DPM1: variants seen among roughly 807,000 people sequenced by gnomAD.
DPM1 encodes the protein dolichyl-phosphate mannosyltransferase subunit 1, catalytic.
In DPM1, 27 loss-of-function variants were observed where a neutral mutation model predicts 39.0. That is an observed-to-expected ratio of 0.69 (90% CI 0.51 to 0.95). The LOEUF (loss-of-function observed/expected upper bound fraction) is 0.95, where lower values mean the gene tolerates loss of function less well. DPM1 is among the 40% of genes least tolerant of loss of function. DPM1 has a pLI of 0.00. For synonymous variants in DPM1, 124 were observed against 109.0 expected (o/e 1.14, Z -0.86); for missense variants, 307 against 315.6 (o/e 0.97, Z 0.21).
At chr20:50,944,246 G>A (rs1057275450) in intron 5 of DPM1, 5 of 152,092 alleles carry the variant, frequency 3.3e-5, no homozygotes, top group Admixed American at 6.5e-5. Flanking sequence ...CAGTTATTTT[G>A]TGTTTATTTC....
At chr20:50,958,297 T>G in intron 1 of DPM1, 66 bp downstream of exon 1, 1 of 1,594,046 alleles carries the variant, frequency 6.3e-7, no homozygotes, top group Non-Finnish European at 8.5e-7. Flanking sequence ...CGCAGCCAGC[T>G]GCCGACACCC....
chr20:50,943,354 T>TTTTTG (rs1035792195), intron 5 of DPM1, among the ~76,000 whole-genome samples: 2 of 151,786 alleles, frequency 1.3e-5, no homozygotes, highest in Non-Finnish European at 2.9e-5. Context: ...CAATAAACTT[T>TTTTTG]TTTTGTTTTG....
At chr20:50,943,999 C>T (rs895527474) in intron 5 of DPM1, among the ~76,000 whole-genome samples, 1 of 152,184 alleles carries the variant, frequency 6.6e-6, no homozygotes, top group Non-Finnish European at 1.5e-5. Context: ...CTCGGCCCCC[C>T]AAAGTGCTGG....
At chr20:50,958,111 G>A (rs1013634788) in intron 1 of DPM1, among the ~76,000 whole-genome samples, 3 of 152,214 alleles carry the variant, frequency 2.0e-5, no homozygotes, top group African/African-American at 7.2e-5. Flanking sequence ...GAAAGGCGGG[G>A]GACGGGAGTA....
Position 50,936,229 on chromosome 20 carries a change from T to C in DPM1, c.597A>G (p.Ile199Met). ...LYRKEVLEKLIEKCVSKGYVF... is the reference protein window; with the variant it reads ...LYRKEVLEKLMEKCVSKGYVF... ...CGTAGCCTTTAGAAACACATTTTTC[T>C]ATTAATTTCTCTAGAACTTCTTTTC... Residue 199 changes from isoleucine (I) to methionine (M), a missense_variant, in exon 8 of 9, where the codon ATA becomes ATG. Around this residue, in one of 3 missense-constraint regions of DPM1, gnomAD observed 31 missense variants for 58.0 expected, o/e 0.53. Coordinates refer to ENST00000371588, the MANE Select transcript of DPM1 (RefSeq NM_003859.3). The C allele has an allele frequency of 1.2e-6, 2 of 1,612,702 alleles. No individual in the cohort carries two copies. Among genetic ancestry groups the C allele is most frequent in the Non-Finnish European group, 1.7e-6 (2 of 1,178,986 alleles).
chr20:50,937,512 A>G (rs979277591), intron 7 of DPM1, among the ~76,000 whole-genome samples: 1 of 152,012 alleles, frequency 6.6e-6, no homozygotes, highest in Non-Finnish European at 1.5e-5. Context: ...AAGATATATA[A>G]TATGTCAGAT....
chr20:50,934,994 T>C lies in DPM1; in HGVS notation c.*138A>G, dbSNP rs1423689248. 3.4e-6 allele frequency: 2 copies of C among 595,470 alleles called. No individual in the cohort carries two copies. The highest frequency in any genetic ancestry group is 6.0e-6 in the Non-Finnish European group (2 of 331,612). The allele number at this position is 595,470 out of a possible 1,614,324, so 36.9% of individuals were successfully genotyped here. A position where few individuals can be genotyped will look rare whatever the true frequency, so the allele number is the denominator to read the frequency against. ...TATTTAATTTGAAATATAAAATAGGTGGTCTTCATAAAAAGATGCATGAAA... is the reference window on the plus strand; with the variant it reads ...TATTTAATTTGAAATATAAAATAGGCGGTCTTCATAAAAAGATGCATGAAA... On this transcript the variant is annotated 3_prime_UTR_variant, in exon 9 of 9. Coordinates refer to ENST00000371588, the MANE Select transcript of DPM1 (RefSeq NM_003859.3).
intron 5 of DPM1, chr20:50,944,792 A>G (rs1455362831): frequency 6.6e-6 from 1 of 152,188 alleles, no homozygotes; most frequent in Non-Finnish European, 1.5e-5. Flanking sequence ...AACAAATATA[A>G]CTGTGTATAT....
intron 5 of DPM1, among the ~76,000 whole-genome samples, chr20:50,943,354 T>G (rs1192703061): frequency 6.6e-6 from 1 of 151,786 alleles, no homozygotes. Flanking sequence ...CAATAAACTT[T>G]TTTTGTTTTG....
chr20:50,946,667 G>A (rs113327410), intron 3 of DPM1, among the ~76,000 whole-genome samples: 5 of 152,354 alleles, frequency 3.3e-5, no homozygotes, highest in African/African-American at 1.2e-4. Flanking sequence ...GGACTTGGCA[G>A]GCTAGGGTAA....
intron 8 of DPM1, 40 bp downstream of exon 8, chr20:50,936,108 T>C: frequency 7.0e-7 from 1 of 1,438,756 alleles, no homozygotes; most frequent in Non-Finnish European, 9.8e-7. Context: ...ACTGCTCCTT[T>C]ACCAGGAACA....
intron 5 of DPM1, 136 bp from the exon 6 acceptor site, chr20:50,942,262 C>T: frequency 1.3e-6 from 1 of 782,352 alleles, no homozygotes; most frequent in East Asian, 2.6e-5. Flanking sequence ...AATCCTAGCA[C>T]TTTGGGAGGC....
chr20:50,938,679 C>G (rs1985436686), intron 7 of DPM1, among the ~76,000 whole-genome samples: 1 of 149,522 alleles, frequency 6.7e-6, no homozygotes, highest in Non-Finnish European at 1.5e-5. Context: ...CGCGCCCAGC[C>G]TATTTAAAAA....
rs377452634 is a variant in DPM1 at position 50,943,391 on chromosome 20, C to T, written c.399-1265G>A. Among the ~76,000 whole-genome samples the T allele has an allele frequency of 1.8e-4, 27 of 151,730 alleles. No individual in the cohort carries two copies. The East Asian group carries it at 2.1e-3, about 12-fold the overall frequency. ...TTTGTTTTTTTTTGAGATGGAGTCTCGCTCTGTTGCCAGGGTGGAGTGCAA... is the reference window on the plus strand; with the variant it reads ...TTTGTTTTTTTTTGAGATGGAGTCTTGCTCTGTTGCCAGGGTGGAGTGCAA... On this transcript the variant is annotated intron_variant, in intron 5 of 8. Transcript: ENST00000371588.
intron 2 of DPM1, among the ~76,000 whole-genome samples, chr20:50,949,915 T>C (rs919282879): frequency 6.6e-6 from 1 of 152,208 alleles, no homozygotes; most frequent in Non-Finnish European, 1.5e-5. Flanking sequence ...AAAAATCCAT[T>C]CAGTCACTCC....
intron 1 of DPM1, among the ~76,000 whole-genome samples, chr20:50,958,162 G>A (rs1279998564): frequency 6.6e-6 from 1 of 152,200 alleles, no homozygotes; most frequent in African/African-American, 2.4e-5. Context: ...AAAACCCAAG[G>A]GCAGGAATGA....
intron 2 of DPM1, among the ~76,000 whole-genome samples, chr20:50,949,138 C>T (rs1986450401): frequency 6.6e-6 from 1 of 152,196 alleles, no homozygotes; most frequent in Non-Finnish European, 1.5e-5. Context: ...GGATTACAGG[C>T]ATGAGTCACC....
intron 8 of DPM1, 126 bp downstream of exon 8, chr20:50,936,022 T>C (rs1985129131): frequency 1.4e-6 from 1 of 706,340 alleles, no homozygotes; most frequent in Non-Finnish European, 2.5e-6. Context: ...TGCATGAATA[T>C]TCTAAACAAC....
rs138298734 is a variant in DPM1 at position 50,945,454 on chromosome 20, C to T, written c.398+283G>A. Among the ~76,000 whole-genome samples the T allele has an allele frequency of 1.3e-3, 192 of 152,286 alleles. 1 individual carries two copies. Among genetic ancestry groups the T allele is most frequent in the Admixed American group, 3.5e-3 (54 of 15,300 alleles). On this transcript the variant is annotated intron_variant, in intron 5 of 8. Transcript: ENST00000371588. ...GTCCTGGGCTCATGTCATCCTCCCA[C>T]CTGAGCCGCCTGAGTAGCTGGGACT... is the stretch of plus-strand genomic sequence containing the variant.
Sources: gnomAD v4.1 joint callset for allele counts (sites outside exome capture counted in the v4.1 genomes callset) on GRCh38, gnomAD v4.1.1 for gene constraint, gnomAD v4.1.1 regional missense constraint, MANE v1.5 for transcripts, NCBI Gene and HGNC (gene_info 2026-07-23, HGNC 2026-07-21) for gene names.